Variants in DLC1 observed in about 807,000 individuals in gnomAD.
The protein encoded by DLC1 is rho GTPase-activating protein 7.
A neutral mutation model predicts 140.3 loss-of-function variants in DLC1; 54 were observed. The ratio of observed to expected loss-of-function variants is 0.38; its 90% CI spans 0.31 to 0.48. The LOEUF (loss-of-function observed/expected upper bound fraction) is 0.48, where lower values mean the gene tolerates loss of function less well. Ranked by LOEUF, DLC1 falls within the 20% of genes least tolerant of loss-of-function variation. DLC1 has a pLI of 0.96. For synonymous variants in DLC1, 986 were observed against 728.1 expected (o/e 1.35, Z -5.70); for missense variants, 2,536 against 1,907.0 (o/e 1.33, Z -6.14).
intron 5 of DLC1, among the ~76,000 whole-genome samples, chr8:13,219,746 T>C (rs926783897): frequency 1.3e-5 from 2 of 152,108 alleles, no homozygotes; most frequent in African/African-American, 4.8e-5. Context: ...TGCAGCACTA[T>C]TTATAGCAAC....
intron 4 of DLC1, among the ~76,000 whole-genome samples, chr8:13,349,995 T>C (rs1268063312): frequency 6.6e-6 from 1 of 152,128 alleles, no homozygotes. Flanking sequence ...GCTGGAGACA[T>C]ATTGGGAATT....
chr8:13,135,789 C>G (rs1031460017), intron 5 of DLC1, among the ~76,000 whole-genome samples: 3 of 152,132 alleles, frequency 2.0e-5, no homozygotes, highest in Non-Finnish European at 4.4e-5. Context: ...GTAAAACAGG[C>G]AAAACTTCTC....
chr8:13,159,857 GAA>G (rs556824574), intron 5 of DLC1, among the ~76,000 whole-genome samples: 10 of 120,722 alleles, frequency 8.3e-5, no homozygotes, highest in Admixed American at 1.7e-4. Context: ...AACCTGGTTT[GAA>G]AAAAAAAAAA....
intron 1 of DLC1, chr8:13,558,335 G>C (rs1804125703): frequency 1.3e-5 from 2 of 152,206 alleles, no homozygotes; most frequent in South Asian, 2.1e-4. Flanking sequence ...GAAGCCGCCA[G>C]TTTGGGGATG....
intron 5 of DLC1, among the ~76,000 whole-genome samples, chr8:13,260,342 A>C (rs1448985533): frequency 6.6e-6 from 1 of 152,232 alleles, no homozygotes; most frequent in Non-Finnish European, 1.5e-5. Context: ...GTGCCTTCAC[A>C]GTGGTTGTAG....
At chr8:13,157,921 C>T (rs1379630450) in intron 5 of DLC1, among the ~76,000 whole-genome samples, 2 of 152,186 alleles carry the variant, frequency 1.3e-5, no homozygotes, top group Non-Finnish European at 2.9e-5. Flanking sequence ...GGAAAACTTA[C>T]TCATTTAGTT....
intron 2 of DLC1, among the ~76,000 whole-genome samples, chr8:13,419,026 G>A (rs1838194842): frequency 6.6e-6 from 1 of 150,514 alleles, no homozygotes; most frequent in Non-Finnish European, 1.5e-5. Context: ...GTCTGTTATT[G>A]GTGTATAAGA....
rs183172146 is a variant in DLC1, at chr8:13,399,901, A to C, written c.1173+1569T>G. ...ACTTTGTGTCTTGTTCTTCCTGCTG[A>C]TCTATAAATTCACAGTGAAGTATGA... On this transcript the variant is annotated intron_variant, in intron 3 of 17. Coordinates refer to ENST00000276297, the MANE Select transcript of DLC1 (RefSeq NM_182643.3). 3.0e-3 allele frequency among the ~76,000 whole-genome samples: 458 copies of C among 152,122 alleles called. 1 individual carries two copies. The highest frequency in any genetic ancestry group is 0.011 in the African/African-American group (438 of 41,488).
At chr8:13,264,052 T>TTTTATGTATTTATTTA (rs1830581699) in intron 5 of DLC1, among the ~76,000 whole-genome samples, 6 of 143,034 alleles carry the variant, frequency 4.2e-5, no homozygotes, top group African/African-American at 1.6e-4. Flanking sequence ...ATAAGAAGCT[T>TTTTATGTATTTATTTA]TTTATTTATT....
chr8:13,103,481 A>G (rs1414810422), intron 7 of DLC1, among the ~76,000 whole-genome samples: 3 of 152,116 alleles, frequency 2.0e-5, no homozygotes. Flanking sequence ...CTTACTAAGA[A>G]AAATCATTCT....
intron 4 of DLC1, among the ~76,000 whole-genome samples, chr8:13,367,100 A>C (rs953425004): frequency 6.6e-6 from 1 of 152,108 alleles, no homozygotes; most frequent in Non-Finnish European, 1.5e-5. Context: ...AGGCCAGATG[A>C]CACTCAGTGT....
At chr8:13,113,816 T>C (rs1004813932) in intron 6 of DLC1, among the ~76,000 whole-genome samples, 2 of 152,218 alleles carry the variant, frequency 1.3e-5, no homozygotes, top group Non-Finnish European at 1.5e-5. Flanking sequence ...ATTGGAGATA[T>C]TCTCTGGAAT....
chr8:13,088,453 C>G (rs1047875946), intron 16 of DLC1, 34 bp downstream of exon 16: 1 of 1,609,340 alleles, frequency 6.2e-7, no homozygotes, highest in Non-Finnish European at 8.5e-7. Flanking sequence ...ATGGAGTCAT[C>G]CTTGTCACAA....
intron 2 of DLC1, among the ~76,000 whole-genome samples, chr8:13,486,675 T>G (rs1332983059): frequency 6.6e-6 from 1 of 152,186 alleles, no homozygotes; most frequent in Non-Finnish European, 1.5e-5. Flanking sequence ...TCCATGAACC[T>G]ATGAAATGCA....
At chr8:13,309,871 T>C (rs1832601450) in intron 4 of DLC1, among the ~76,000 whole-genome samples, 1 of 152,216 alleles carries the variant, frequency 6.6e-6, no homozygotes, top group Non-Finnish European at 1.5e-5. Flanking sequence ...ATTGAACCAA[T>C]TTCTTCCTGA....
At chr8:13,313,162 T>A (rs1832747463) in intron 4 of DLC1, among the ~76,000 whole-genome samples, 1 of 152,178 alleles carries the variant, frequency 6.6e-6, no homozygotes, top group Non-Finnish European at 1.5e-5. Context: ...GCTTTAGTGA[T>A]TCTCTTTCTT....
intron 1 of DLC1, among the ~76,000 whole-genome samples, chr8:13,553,690 A>G (rs897288810): frequency 2.6e-5 from 4 of 151,804 alleles, no homozygotes; most frequent in African/African-American, 9.7e-5. Context: ...CAAAATTTTT[A>G]AAAGAGTTCT....
At chr8:13,453,504 A>ATATATATACATATATATG (rs1799235640) in intron 2 of DLC1, among the ~76,000 whole-genome samples, 1 of 30,140 alleles carries the variant, frequency 3.3e-5, no homozygotes, top group Non-Finnish European at 5.6e-5. Flanking sequence ...ATATATATGT[A>ATATATATACATATATATG]TATATATATA....
chr8:13,579,361 A>ATATATATATTTT (rs1236395843), intron 1 of DLC1, among the ~76,000 whole-genome samples: 2 of 25,486 alleles, frequency 7.8e-5, no homozygotes, highest in Non-Finnish European at 1.3e-4. Flanking sequence ...ATATATATAT[A>ATATATATATTTT]TTTTTATATA....
Sources: allele counts gnomAD v4.1 joint callset (sites outside exome capture counted in the v4.1 genomes callset), GRCh38; gene constraint gnomAD v4.1.1; transcripts MANE v1.5; gene names NCBI Gene and HGNC (gene_info 2026-07-23, HGNC 2026-07-21).